SPINK2: variants seen among roughly 807,000 people sequenced by gnomAD.
SPINK2 encodes the protein serine protease inhibitor Kazal-type 2.
A neutral mutation model predicts 13.5 loss-of-function variants in SPINK2; 8 were observed. The observed-to-expected ratio is 0.59, with a 90% CI of 0.35 to 1.07. The LOEUF (loss-of-function observed/expected upper bound fraction) is 1.07. Ranked by LOEUF, SPINK2 falls within the 50% of genes least tolerant of loss-of-function variation. The probability of loss-of-function intolerance (pLI) is 0.02; values close to 1 mark genes in which losing one functional copy is unlikely to be tolerated. For synonymous variants in SPINK2, 76 were observed against 74.7 expected (o/e 1.02, Z -0.09); for missense variants, 148 against 180.3 (o/e 0.82, Z 1.03).
intron 2 of SPINK2, among the ~76,000 whole-genome samples, chr4:56,816,879 A>C (rs1340175277): frequency 6.8e-6 from 1 of 147,506 alleles, no homozygotes; most frequent in Non-Finnish European, 1.5e-5. Context: ...CACTGTCTCA[A>C]AAAAAAAAAA....
intron 2 of SPINK2, among the ~76,000 whole-genome samples, chr4:56,814,368 T>G (rs1459430030): frequency 6.6e-6 from 1 of 151,996 alleles, no homozygotes; most frequent in Non-Finnish European, 1.5e-5. Flanking sequence ...TCTAAAGCTT[T>G]TTTCCTGAAA....
At position 56,821,594 on chromosome 4, in the gene SPINK2, G is replaced by C; in HGVS notation, c.69C>G (p.Ser23Arg). 2 of 1,548,470 alleles carry C rather than the reference G, an allele frequency of 1.3e-6. No homozygotes were observed. The highest frequency in any genetic ancestry group is 1.2e-5 in the South Asian group (1 of 83,922). The change falls in exon 1 of 4, where the codon AGC becomes AGG. Residue 23 changes from serine (S) to arginine (R), a missense_variant. Ser to Arg is a moderately radical substitution (Grantham distance 110, BLOSUM62 -1). Coordinates refer to ENST00000506738, the MANE Select transcript of SPINK2 (RefSeq NM_001271718.2). ...CCGGAGGTCCCCGCTCGCCAGGACC[G>C]CTCCGAGCGCTACCTGCGAAGGTAA... The part of the protein sequence containing the change: ...LAVTFAGSAR[S>R]GPGERGPPEK...
chr4:56,819,606 T>A, intron 2 of SPINK2, among the ~76,000 whole-genome samples: 1 of 103,748 alleles, frequency 9.6e-6, no homozygotes, highest in Non-Finnish European at 1.8e-5. Context: ...TGGCTAGGAC[T>A]TTTTTTTCTT....
At chr4:56,821,352 A>G (rs1717917149) in intron 1 of SPINK2, 106 bp downstream of exon 1, 1 of 1,403,446 alleles carries the variant, frequency 7.1e-7, no homozygotes, top group Non-Finnish European at 9.2e-7. Flanking sequence ...AAAGCGCTCT[A>G]GATGGCAGGT....
intron 3 of SPINK2, 52 bp from the exon 4 acceptor site, chr4:56,810,236 T>A: frequency 7.4e-6 from 11 of 1,484,208 alleles, no homozygotes; most frequent in Non-Finnish European, 1.0e-5. Flanking sequence ...ATACTGAAAC[T>A]GTCTCATTAT....
intron 1 of SPINK2, among the ~76,000 whole-genome samples, chr4:56,820,919 C>G (rs2109453812): frequency 6.6e-6 from 1 of 152,306 alleles, no homozygotes; most frequent in East Asian, 1.9e-4. Context: ...CCCAAAAGCA[C>G]ATAGAAATAA....
intron 2 of SPINK2, chr4:56,816,853 G>C (rs1008772210): frequency 6.6e-6 from 1 of 150,552 alleles, no homozygotes; most frequent in African/African-American, 2.4e-5. Context: ...ACTCCAGCCT[G>C]GATAACAGAG....
chr4:56,817,127 A>C (rs1283560456), intron 2 of SPINK2, among the ~76,000 whole-genome samples: 1 of 151,980 alleles, frequency 6.6e-6, no homozygotes, highest in Non-Finnish European at 1.5e-5. Flanking sequence ...GCTTGAACCC[A>C]GGAGGCAGAG....
At chr4:56,821,212 G>T in intron 1 of SPINK2, 1 of 670,114 alleles carries the variant, frequency 1.5e-6, no homozygotes, top group Non-Finnish European at 1.8e-6. Flanking sequence ...GAGGTGTCCA[G>T]TGTGGTTGGA....
chr4:56,813,665 T>G (rs1171278981), intron 2 of SPINK2, among the ~76,000 whole-genome samples: 1 of 151,938 alleles, frequency 6.6e-6, no homozygotes, highest in African/African-American at 2.4e-5. Context: ...TTGCCCAAGC[T>G]GGAGTGCAAT....
chr4:56,816,535 C>G (rs1177548113), intron 2 of SPINK2, among the ~76,000 whole-genome samples: 1 of 151,726 alleles, frequency 6.6e-6, no homozygotes, highest in East Asian at 1.9e-4. Context: ...GCCTGTGATC[C>G]CAACTACTCG....
chr4:56,821,760 G>T (rs113447828), upstream of SPINK2: 10 of 1,271,854 alleles, frequency 7.9e-6, no homozygotes, highest in Non-Finnish European at 1.0e-5. Context: ...CGGGGGAAGG[G>T]GCGGGGCGAG....
chr4:56,815,281 G>GA (rs1038109943), intron 2 of SPINK2, among the ~76,000 whole-genome samples: 6 of 151,926 alleles, frequency 3.9e-5, no homozygotes, highest in African/African-American at 1.2e-4. Context: ...CCTAAAATCA[G>GA]AAAAAAACAC....
chr4:56,814,957 T>C (rs1578430531), intron 2 of SPINK2, among the ~76,000 whole-genome samples: 1 of 90,082 alleles, frequency 1.1e-5, no homozygotes, highest in African/African-American at 4.9e-5. Flanking sequence ...CAAGACTCCG[T>C]CTCAAAAAAA....
At chr4:56,820,506 T>C (rs759787819) in intron 2 of SPINK2, 30 bp downstream of exon 2, 4 of 1,585,250 alleles carry the variant, frequency 2.5e-6, no homozygotes, top group African/African-American at 1.3e-5. Flanking sequence ...ACTGTATTAG[T>C]AGAAACAGTA....
At chr4:56,811,163 T>C (rs1215571675) in intron 3 of SPINK2, among the ~76,000 whole-genome samples, 1 of 152,186 alleles carries the variant, frequency 6.6e-6, no homozygotes, top group Non-Finnish European at 1.5e-5. Flanking sequence ...TGGCCTATAG[T>C]TGACTAATCA....
In SPINK2 at chr4:56,810,070, G is replaced by C; in HGVS notation, c.*69C>G. ...AAGAAACACAGGAAAAGAGAAAAAG[G>C]GGAAATGCAATTTATCTAGTCTGCC... is the stretch of plus-strand genomic sequence containing the variant. On this transcript the variant is annotated 3_prime_UTR_variant, in exon 4 of 4. Coordinates refer to ENST00000506738, the MANE Select transcript of SPINK2 (RefSeq NM_001271718.2). 6.5e-7 allele frequency: 1 copy of C among 1,545,236 alleles called. No homozygotes were observed. Among genetic ancestry groups the C allele is most frequent in the African/African-American group, 1.4e-5 (1 of 72,438 alleles).
intron 2 of SPINK2, among the ~76,000 whole-genome samples, chr4:56,818,549 T>C (rs573955464): frequency 6.6e-6 from 1 of 152,170 alleles, no homozygotes; most frequent in African/African-American, 2.4e-5. Context: ...TAGTCTCAGC[T>C]ACTCGGGAGG....
chr4:56,814,976 A>C (rs202086243), intron 2 of SPINK2, among the ~76,000 whole-genome samples: 2,361 of 150,974 alleles, frequency 0.016, 39 homozygotes, highest in South Asian at 0.056. Context: ...AAAAAAAAAA[A>C]AAAAAAACAA....
Sources: allele counts gnomAD v4.1 joint callset (sites outside exome capture counted in the v4.1 genomes callset), GRCh38; gene constraint gnomAD v4.1.1; transcripts MANE v1.5; gene names NCBI Gene and HGNC (gene_info 2026-07-23, HGNC 2026-07-21).